The following CCDC25 variants were observed in gnomAD, a reference collection of about 807,000 sequenced individuals.
CCDC25 encodes coiled-coil domain containing 25.
CCDC25 carries 16 observed loss-of-function variants against 35.3 expected under a neutral mutation model. The observed-to-expected ratio is 0.45, with a 90% CI of 0.31 to 0.69. The LOEUF (loss-of-function observed/expected upper bound fraction) is 0.69. CCDC25 is among the 30% of genes least tolerant of loss of function. The pLI, the probability that CCDC25 is intolerant of heterozygous loss-of-function variation, is 0.06. For missense variants in CCDC25, 179 were observed against 250.7 expected (o/e 0.71, Z 1.93); for synonymous variants, 79 against 80.3 (o/e 0.98, Z 0.09).
In CCDC25 at chr8:27,769,880, G is replaced by A. The variant is rs567048231; in HGVS notation, c.28+2633C>T. On this transcript the variant is annotated intron_variant, in intron 1 of 8. Transcript: ENST00000356537. ...CTTTTGGCTGAGCGTGGTGATTCAC[G>A]CCTTTAATCCTAGCACTTTGGAAGG... Among the ~76,000 whole-genome samples the A allele has an allele frequency of 1.1e-3, 175 of 152,292 alleles. 1 individual carries two copies. The highest frequency in any genetic ancestry group is 3.4e-3 in the Middle Eastern group (1 of 294).
chr8:27,763,298 A>T (rs1804288714), intron 2 of CCDC25, among the ~76,000 whole-genome samples: 1 of 152,226 alleles, frequency 6.6e-6, no homozygotes, highest in South Asian at 2.1e-4. Context: ...GTGAATGCAC[A>T]TTTTTTAAGG....
At chr8:27,739,137 TC>T (rs1803352999) in intron 8 of CCDC25, among the ~76,000 whole-genome samples, 1 of 151,890 alleles carries the variant, frequency 6.6e-6, no homozygotes, top group Non-Finnish European at 1.5e-5. Flanking sequence ...GGATGTTTAA[TC>T]CCCCCCACCT....
At chr8:27,757,598 AG>A (rs1280490309) in intron 3 of CCDC25, among the ~76,000 whole-genome samples, 3 of 152,192 alleles carry the variant, frequency 2.0e-5, no homozygotes, top group African/African-American at 4.8e-5. Context: ...TGCAACATTC[AG>A]GATATGAGAT....
At chr8:27,745,931 C>T (rs1474167369) in intron 7 of CCDC25, among the ~76,000 whole-genome samples, 3 of 152,170 alleles carry the variant, frequency 2.0e-5, no homozygotes, top group African/African-American at 7.2e-5. Flanking sequence ...AAGGAAAAAT[C>T]TTATTCAATA....
At chr8:27,760,010 T>G (rs2128944480) in intron 3 of CCDC25, among the ~76,000 whole-genome samples, 1 of 152,140 alleles carries the variant, frequency 6.6e-6, no homozygotes, top group East Asian at 1.9e-4. Flanking sequence ...TGTCCAAAAT[T>G]GACAGCTGGA....
chr8:27,755,536 T>C (rs931930618), intron 4 of CCDC25, among the ~76,000 whole-genome samples: 4 of 152,210 alleles, frequency 2.6e-5, no homozygotes, highest in African/African-American at 9.7e-5. Flanking sequence ...AATTCCATCC[T>C]CCACTTCCTT....
chr8:27,737,780 A>G lies in CCDC25; in HGVS notation c.598-1535T>C, dbSNP rs1396017263. Among the ~76,000 whole-genome samples the G allele has an allele frequency of 6.6e-6, 1 of 152,100 alleles. No homozygotes were observed. Among genetic ancestry groups the G allele is most frequent in the Non-Finnish European group, 1.5e-5 (1 of 67,998 alleles). ...ATTCAAAAAAGATACTTGCACACAC[A>G]TGTTTACAGTGGCACAATTCACAAT... is the stretch of plus-strand genomic sequence containing the variant. On this transcript the variant is annotated intron_variant, in intron 8 of 8. Transcript: ENST00000356537. This position sits in a 1 kb window ranked among gnomAD's most constrained non-coding sequence, Gnocchi z 4.6.
At chr8:27,739,401 G>A (rs1358893960) in intron 8 of CCDC25, among the ~76,000 whole-genome samples, 1 of 152,046 alleles carries the variant, frequency 6.6e-6, no homozygotes, top group African/African-American at 2.4e-5. Flanking sequence ...TCTGAGGTTT[G>A]ACTAGATGAC....
chr8:27,772,595 A>G lies in CCDC25; in HGVS notation c.-55T>C. 6.5e-7 allele frequency: 1 copy of G among 1,533,374 alleles called. No individual in the cohort carries two copies. Among genetic ancestry groups the G allele is most frequent in the Non-Finnish European group, 8.8e-7 (1 of 1,133,760 alleles). The allele number at this position is 1,533,374 out of a possible 1,614,324, so 95.0% of individuals were successfully genotyped here. ...GCGGAGCAGCAGCGCTCAACTCACG[A>G]AGCTCAGGATACCAGACTCGCGGCG... On this transcript the variant is annotated 5_prime_UTR_variant, in exon 1 of 9. Coordinates refer to ENST00000356537, the MANE Select transcript of CCDC25 (RefSeq NM_018246.3).
In CCDC25 at chr8:27,746,017, G is replaced by A. The variant is rs186209479; in HGVS notation, c.551+2060C>T. 8.3e-4 allele frequency among the ~76,000 whole-genome samples: 127 copies of A among 152,256 alleles called. 3 individuals are homozygous for A. The highest frequency in any genetic ancestry group is 5.9e-5 in the Non-Finnish European group (4 of 68,010). On this transcript the variant is annotated intron_variant, in intron 7 of 8. Coordinates refer to ENST00000356537, the MANE Select transcript of CCDC25 (RefSeq NM_018246.3). ...CTATGGAAAAAAGCCCAGAAGATAC[G>A]AAACTGTGTTTTGGTGGACAAATTT...
chr8:27,761,421 T>C (rs1345800943), intron 3 of CCDC25, among the ~76,000 whole-genome samples: 1 of 152,204 alleles, frequency 6.6e-6, no homozygotes. Context: ...AATATTAATA[T>C]CTATTTCACA....
chr8:27,737,650 C>T lies in CCDC25; in HGVS notation c.598-1405G>A, dbSNP rs537515335. Among the ~76,000 whole-genome samples, 15 of 152,244 alleles carry T rather than the reference C, an allele frequency of 9.9e-5. No homozygotes were observed. The highest frequency in any genetic ancestry group is 8.3e-4 in the South Asian group (4 of 4,826). ...TGGTGGGAATGTAAACTAGTACAGCCACTATGGAAAACAGCAAGGAGATTT... is the reference window on the plus strand; with the variant it reads ...TGGTGGGAATGTAAACTAGTACAGCTACTATGGAAAACAGCAAGGAGATTT... On this transcript the variant is annotated intron_variant, in intron 8 of 8. Coordinates refer to ENST00000356537, the MANE Select transcript of CCDC25 (RefSeq NM_018246.3). This position sits in a 1 kb window ranked among gnomAD's most constrained non-coding sequence, Gnocchi z 4.6.
chr8:27,760,343 C>A (rs1388680663), intron 3 of CCDC25, among the ~76,000 whole-genome samples: 1 of 152,162 alleles, frequency 6.6e-6, no homozygotes, highest in Non-Finnish European at 1.5e-5. Context: ...GGTTTTTATG[C>A]CTCAAACCTG....
At chr8:27,759,140 C>T (rs1804123114) in intron 3 of CCDC25, among the ~76,000 whole-genome samples, 2 of 152,218 alleles carry the variant, frequency 1.3e-5, no homozygotes, top group Admixed American at 6.5e-5. Flanking sequence ...GTTACCCTTT[C>T]CTGAATGCAG....
intron 3 of CCDC25, among the ~76,000 whole-genome samples, chr8:27,760,946 T>C (rs1171215256): frequency 1.3e-5 from 2 of 152,018 alleles, no homozygotes; most frequent in South Asian, 2.1e-4. Context: ...GCCAATGTGG[T>C]GATAGCCCCA....
chr8:27,760,821 A>C (rs139388760), intron 3 of CCDC25, among the ~76,000 whole-genome samples: 59 of 152,286 alleles, frequency 3.9e-4, no homozygotes, highest in African/African-American at 1.3e-3. Context: ...GATTTAAATA[A>C]GCCTTTAAAA....
At chr8:27,753,190 T>C (rs1044457579) in intron 4 of CCDC25, among the ~76,000 whole-genome samples, 14 of 152,202 alleles carry the variant, frequency 9.2e-5, no homozygotes, top group African/African-American at 3.4e-4. Flanking sequence ...GTGATGCCCC[T>C]TTTACAGATG....
chr8:27,758,149 C>T (rs949199019), intron 3 of CCDC25, among the ~76,000 whole-genome samples: 2 of 152,224 alleles, frequency 1.3e-5, no homozygotes, highest in Non-Finnish European at 2.9e-5. Flanking sequence ...AGTCATACTG[C>T]TTCCTTGGTC....
In CCDC25 at chr8:27,735,084, C is replaced by T. The variant is rs530137430; in HGVS notation, c.*1132G>A. On this transcript the variant is annotated 3_prime_UTR_variant, in exon 9 of 9. Coordinates refer to ENST00000356537, the MANE Select transcript of CCDC25 (RefSeq NM_018246.3). Reference sequence around the variant, plus strand: ...TTAAAAAAATGGTATTTTATTATAACTTTTAAAATTGCGGAACATCAGACT... The same window carrying T: ...TTAAAAAAATGGTATTTTATTATAATTTTTAAAATTGCGGAACATCAGACT... The T allele has an allele frequency of 2.6e-5, 4 of 152,672 alleles. No homozygotes were observed. Among genetic ancestry groups the T allele is most frequent in the African/African-American group, 4.8e-5 (2 of 41,532 alleles). 9.5% of individuals were successfully genotyped at this position (152,672 alleles called of 1,614,324 possible).
Sources: gnomAD v4.1 joint callset for allele counts (sites outside exome capture counted in the v4.1 genomes callset) on GRCh38, gnomAD v4.1.1 for gene constraint, Gnocchi (gnomAD v3.1) non-coding constraint, MANE v1.5 for transcripts, NCBI Gene and HGNC (gene_info 2026-07-23, HGNC 2026-07-21) for gene names.